UVRAG: variants seen among roughly 807,000 people sequenced by gnomAD.
The protein encoded by UVRAG is UV radiation resistance-associated gene protein.
A neutral mutation model predicts 78.0 loss-of-function variants in UVRAG; 19 were observed. The ratio of observed to expected loss-of-function variants is 0.24; its 90% CI spans 0.17 to 0.36. The LOEUF (loss-of-function observed/expected upper bound fraction) is 0.36. Among genes scored for constraint, UVRAG ranks in the 10% least tolerant of loss-of-function variants. UVRAG has a pLI of 1.00. For missense variants in UVRAG, 740 were observed against 853.8 expected (o/e 0.87, Z 1.66); for synonymous variants, 323 against 324.6 (o/e 1.00, Z 0.05).
rs952021608 is a variant in UVRAG at position 76,141,958 on chromosome 11, C to G, written c.*545C>G. On this transcript the variant is annotated 3_prime_UTR_variant, in exon 15 of 15. Transcript: ENST00000356136. The stretch of plus-strand genomic sequence containing the variant: ...TCCCTCTTCCTGCCCCCGGGTACCA[C>G]AGTCCACCTTTAGACCCTACTGTCG... 1 of 155,668 alleles carries G rather than the reference C, an allele frequency of 6.4e-6. No homozygotes were observed. The highest frequency in any genetic ancestry group is 1.4e-5 in the Non-Finnish European group (1 of 70,432). 9.6% of individuals were successfully genotyped at this position (155,668 alleles called of 1,614,324 possible). A position where few individuals can be genotyped will look rare whatever the true frequency, so the allele number is the denominator to read the frequency against.
At chr11:75,938,546 C>G (rs1948424485) in intron 6 of UVRAG, among the ~76,000 whole-genome samples, 1 of 152,108 alleles carries the variant, frequency 6.6e-6, no homozygotes, top group Non-Finnish European at 1.5e-5. Context: ...CTTCCTCAGC[C>G]TGTACTAGAG....
At chr11:75,921,987 G>A (rs1165993544) in intron 6 of UVRAG, among the ~76,000 whole-genome samples, 1 of 151,984 alleles carries the variant, frequency 6.6e-6, no homozygotes, top group Non-Finnish European at 1.5e-5. Flanking sequence ...GGCACGTCCT[G>A]TTGCTACTCT....
intron 13 of UVRAG, among the ~76,000 whole-genome samples, chr11:76,081,831 A>G (rs546669519): frequency 1.1e-4 from 16 of 152,170 alleles, no homozygotes; most frequent in Non-Finnish European, 1.5e-4. Context: ...CAATATGTTC[A>G]TCATTAATTA....
chr11:75,861,721 A>G (rs1565350341), intron 2 of UVRAG, 25 bp from the exon 3 acceptor site: 2 of 1,559,326 alleles, frequency 1.3e-6, no homozygotes, highest in East Asian at 2.2e-5. Flanking sequence ...CATATCACTT[A>G]TTGTTCTTTT....
chr11:76,116,751 CT>C (rs1184533174), intron 14 of UVRAG, among the ~76,000 whole-genome samples: 1 of 152,218 alleles, frequency 6.6e-6, no homozygotes, highest in Non-Finnish European at 1.5e-5. Context: ...AGTTAGACAG[CT>C]GGGGGCAGCA....
intron 8 of UVRAG, among the ~76,000 whole-genome samples, chr11:75,996,386 G>A (rs1168969860): frequency 6.6e-6 from 1 of 152,046 alleles, no homozygotes; most frequent in Non-Finnish European, 1.5e-5. Context: ...TTCATAATTT[G>A]TGGAACACTT....
intron 12 of UVRAG, among the ~76,000 whole-genome samples, chr11:76,017,503 A>C (rs771601869): frequency 2.6e-4 from 40 of 152,214 alleles, no homozygotes; most frequent in Non-Finnish European, 4.6e-4. Flanking sequence ...ATAATGACTA[A>C]GAATTTTCAA....
intron 12 of UVRAG, among the ~76,000 whole-genome samples, chr11:76,059,776 A>G (rs1188519109): frequency 6.6e-6 from 1 of 152,244 alleles, no homozygotes; most frequent in African/African-American, 2.4e-5. Flanking sequence ...AGTCCAAGTA[A>G]TTGATAGAGA....
At chr11:76,091,029 T>C (rs1951686747) in intron 13 of UVRAG, among the ~76,000 whole-genome samples, 1 of 152,192 alleles carries the variant, frequency 6.6e-6, no homozygotes, top group Non-Finnish European at 1.5e-5. Flanking sequence ...TTCTCCCTTG[T>C]TTTGTTGGAG....
At chr11:75,943,807 T>G (rs1948532481) in intron 6 of UVRAG, among the ~76,000 whole-genome samples, 1 of 152,188 alleles carries the variant, frequency 6.6e-6, no homozygotes, top group African/African-American at 2.4e-5. Flanking sequence ...TAGTATTGTC[T>G]TATTTGATGC....
intron 12 of UVRAG, among the ~76,000 whole-genome samples, chr11:76,019,293 T>C (rs1416056603): frequency 6.6e-6 from 1 of 152,270 alleles, no homozygotes; most frequent in Non-Finnish European, 1.5e-5. Context: ...TATTTTGAAT[T>C]CTCTGTCCGA....
At chr11:75,905,864 C>T (rs1225861826) in intron 5 of UVRAG, among the ~76,000 whole-genome samples, 1 of 151,922 alleles carries the variant, frequency 6.6e-6, no homozygotes, top group African/African-American at 2.4e-5. Flanking sequence ...TCTATGATTA[C>T]CTTTTTGAGG....
rs1249854317 is a variant in UVRAG at position 75,877,889 on chromosome 11, G to T, written c.271-1990G>T. Among the ~76,000 whole-genome samples, 3 of 148,612 alleles carry T rather than the reference G, an allele frequency of 2.0e-5. No individual in the cohort carries two copies. The East Asian group carries it at 6.2e-4, about 31-fold the overall frequency. On this transcript the variant is annotated intron_variant, in intron 3 of 14. Transcript: ENST00000356136. ...TGACCCCCCCACCTCCCTCCCGGACGGGGCGGCTGGCCTGGCGGGGGGCTG... is the reference window on the plus strand; with the variant it reads ...TGACCCCCCCACCTCCCTCCCGGACTGGGCGGCTGGCCTGGCGGGGGGCTG...
At position 75,893,641 on chromosome 11, in the gene UVRAG, A is replaced by G. The variant is rs1049032430; in HGVS notation, c.507+4738A>G. On this transcript the variant is annotated intron_variant, in intron 5 of 14. Transcript: ENST00000356136. The stretch of plus-strand genomic sequence containing the variant: ...GAGTGAGGGTAATTTGAGACCAGCT[A>G]GGGTAACATAATGAAATACTATCTC... 4.2e-5 allele frequency among the ~76,000 whole-genome samples: 6 copies of G among 141,192 alleles called. No individual in the cohort carries two copies. In the Admixed American group the frequency reaches 4.5e-4, roughly 11 times the overall value. The allele number at this position is 141,192 out of a possible 152,430, so 92.6% of individuals were successfully genotyped here.
intron 7 of UVRAG, chr11:75,979,681 G>A (rs372158814): frequency 6.5e-6 from 1 of 152,806 alleles, no homozygotes; most frequent in South Asian, 2.1e-4. Flanking sequence ...TGAGCCAGGC[G>A]CGGGATATAA....
intron 14 of UVRAG, among the ~76,000 whole-genome samples, chr11:76,128,413 G>A (rs968219610): frequency 7.2e-5 from 11 of 152,216 alleles, no homozygotes; most frequent in South Asian, 2.1e-4. Context: ...TGCCAAAAAG[G>A]TTGGGGGCCA....
At chr11:76,012,752 A>G (rs1428204486) in intron 11 of UVRAG, among the ~76,000 whole-genome samples, 3 of 150,948 alleles carry the variant, frequency 2.0e-5, no homozygotes, top group Admixed American at 6.6e-5. Flanking sequence ...AAGGGTGTTC[A>G]TCTGAGTTCC....
intron 8 of UVRAG, among the ~76,000 whole-genome samples, chr11:75,991,151 A>G (rs762683542): frequency 2.0e-5 from 3 of 152,230 alleles, no homozygotes; most frequent in Non-Finnish European, 4.4e-5. Context: ...AAGCATTATG[A>G]TAAAGTCCAT....
intron 5 of UVRAG, among the ~76,000 whole-genome samples, chr11:75,893,747 G>A (rs1461199236): frequency 6.6e-6 from 1 of 151,458 alleles, no homozygotes; most frequent in African/African-American, 2.4e-5. Flanking sequence ...GGGAGGCTGA[G>A]GTGGGAGGAT....
Sources: gnomAD v4.1 joint callset for allele counts (sites outside exome capture counted in the v4.1 genomes callset) on GRCh38, gnomAD v4.1.1 for gene constraint, MANE v1.5 for transcripts, NCBI Gene and HGNC (gene_info 2026-07-23, HGNC 2026-07-21) for gene names.